ARHGEF19: variants seen among roughly 807,000 people sequenced by gnomAD.
The protein encoded by ARHGEF19 is Rho guanine nucleotide exchange factor 19.
In ARHGEF19, 92 loss-of-function variants were observed where a neutral mutation model predicts 87.6. The ratio of observed to expected loss-of-function variants is 1.05; its 90% confidence interval spans 0.89 to 1.25. The LOEUF (loss-of-function observed/expected upper bound fraction) is 1.25, where lower values mean the gene tolerates loss of function less well. Among genes scored for constraint, ARHGEF19 ranks in the 50% most tolerant of loss-of-function variants. ARHGEF19 has a pLI of 0.00. For missense variants in ARHGEF19, 1,054 were observed against 1,051.8 expected, an observed-to-expected ratio of 1.00 and a Z score of -0.03; for synonymous variants, 438 against 446.2, an observed-to-expected ratio of 0.98 and a Z score of 0.23.
intron 13 of ARHGEF19, among the ~76,000 whole-genome samples, 179 bp from the exon 14 acceptor site, chr1:16,202,040 T>C (rs557219359): frequency 6.8e-6 from 1 of 146,414 alleles, no homozygotes; most frequent in Admixed American, 6.8e-5. Flanking sequence ...CCCAAGCCTG[T>C]GCCCCACCCA....
Position 16,199,216 on chromosome 1 carries a change from G to A in ARHGEF19, c.2185C>T (p.Leu729=), listed in dbSNP as rs745319908. 17 of 1,614,072 alleles carry A rather than the reference G, an allele frequency of 1.1e-5. No homozygotes were observed. The South Asian group carries it at 1.9e-4, about 18-fold the overall frequency. The part of the protein sequence containing the change: ...QVQCVRTYKA[L]HPDELTLEKT... ...TCCAAGGTCAGCTCATCTGGGTGCAGTGCCTTGTATGTCCTAACACACTGA... is the reference window on the plus strand; with the variant it reads ...TCCAAGGTCAGCTCATCTGGGTGCAATGCCTTGTATGTCCTAACACACTGA... The change falls in exon 15 of 16, where the codon CTG becomes TTG. Residue 729 remains leucine (L), a synonymous_variant. Coordinates refer to ENST00000270747, the MANE Select transcript of ARHGEF19 (RefSeq NM_153213.5).
chr1:16,201,629 A>G (rs2100264622), intron 14 of ARHGEF19, among the ~76,000 whole-genome samples, 153 bp downstream of exon 14: 1 of 152,262 alleles, frequency 6.6e-6, no homozygotes, highest in East Asian at 1.9e-4. Flanking sequence ...AGTTCTGCCC[A>G]GCCTTCAAGG....
chr1:16,211,132 G>C (rs1202049760), intron 1 of ARHGEF19, among the ~76,000 whole-genome samples: 1 of 152,146 alleles, frequency 6.6e-6, no homozygotes, highest in African/African-American at 2.4e-5. Flanking sequence ...TCCTCATCCG[G>C]CAAATAGGAT....
At chr1:16,199,512 C>T (rs944788895) in intron 14 of ARHGEF19, among the ~76,000 whole-genome samples, 7 of 152,112 alleles carry the variant, frequency 4.6e-5, no homozygotes, top group Admixed American at 6.5e-5. Context: ...GTTTCTGCCT[C>T]TATACCAAGG....
chr1:16,203,199 C>T (rs1213462859), intron 12 of ARHGEF19, among the ~76,000 whole-genome samples: 2 of 151,942 alleles, frequency 1.3e-5, no homozygotes, highest in Non-Finnish European at 2.9e-5. Flanking sequence ...GGGTGTTCCA[C>T]AGACGTCAAC....
intron 2 of ARHGEF19, 96 bp downstream of exon 2, chr1:16,208,547 G>A (rs1022410925): frequency 2.8e-6 from 4 of 1,424,352 alleles, no homozygotes; most frequent in Middle Eastern, 2.0e-4. Flanking sequence ...CCTGACTTTT[G>A]GGGGAACCTT....
intron 1 of ARHGEF19, among the ~76,000 whole-genome samples, chr1:16,210,402 G>C (rs1279577412): frequency 6.6e-6 from 1 of 152,220 alleles, no homozygotes; most frequent in Non-Finnish European, 1.5e-5. Flanking sequence ...TGCCCAGCCT[G>C]GCAGGACCAG....
Position 16,199,247 on chromosome 1 carries a change from G to T in ARHGEF19, c.2154C>A (p.Pro718=). The T allele has an allele frequency of 6.2e-7, 1 of 1,613,902 alleles. No individual in the cohort carries two copies. Residue 718 remains proline, a synonymous_variant, in exon 15 of 16, where the codon CCC becomes CCA. Transcript: ENST00000270747. ...KEVISEGEDC[P]QVQCVRTYKA... ...TGTATGTCCTAACACACTGAACCTG[G>T]GGGCAATCTGACAGCCCAAGGGAGG...
chr1:16,208,664 C>T lies in ARHGEF19; in HGVS notation c.391G>A (p.Gly131Ser), dbSNP rs373392080. ...HTQPQRRASH[G>S]SEKKSAWRKM... is the part of the protein sequence containing the mutation. Reference sequence around the variant, plus strand: ...TCACAGGCAGACTTCTTCTCCGAGCCGTGGCTGGCCCGGCGCTGTGGCTGT... The same window carrying T: ...TCACAGGCAGACTTCTTCTCCGAGCTGTGGCTGGCCCGGCGCTGTGGCTGT... The change falls in exon 2 of 16, where the codon GGC (glycine) becomes AGC (serine). Residue 131 changes from glycine to serine, a missense_variant. Gly to Ser is a moderately conservative substitution (Grantham distance 56). Transcript: ENST00000270747. 94 of 1,605,026 alleles carry T rather than the reference C, an allele frequency of 5.9e-5. No individual in the cohort carries two copies. Among genetic ancestry groups the T allele is most frequent in the Non-Finnish European group, 7.1e-5 (83 of 1,177,298 alleles).
chr1:16,205,640 G>C lies in ARHGEF19; in HGVS notation c.1479C>G (p.Ile493Met). The C allele has an allele frequency of 1.9e-6, 3 of 1,612,388 alleles. No individual in the cohort carries two copies. The South Asian group carries it at 3.3e-5, about 18-fold the overall frequency. ...LLLENPRFPG[I>M]LARLEESPVC... is the part of the protein sequence containing the mutation. ...CAGGAGACTCCTCCAGGCGAGCCAG[G>C]ATGCCAGGGAACCTGGGGTTCTCCA... The change falls in exon 9 of 16, where the codon ATC (isoleucine) becomes ATG (methionine). Residue 493 changes from isoleucine to methionine, a missense_variant. Ile to Met is a conservative substitution (Grantham distance 10). Transcript: ENST00000270747. The surrounding 1 kb of genome is among the most constrained non-coding windows in gnomAD (Gnocchi z 5.8).
At position 16,208,169 on chromosome 1, in the gene ARHGEF19, C is replaced by T. The variant is rs767352434; in HGVS notation, c.469G>A (p.Ala157Thr). The T allele has an allele frequency of 2.5e-6, 4 of 1,613,130 alleles. No homozygotes were observed. The highest frequency in any genetic ancestry group is 3.3e-5 in the Admixed American group (2 of 59,964). ...EEVPGCPEAH[A>T]VFLEPGQVVQ... ...ACCTGGCCAGGCTCTAGGAAGACAG[C>T]GTGGGCCTCGGGGCAGCCGGGGACC... The change falls in exon 3 of 16, where the codon GCT becomes ACT. Residue 157 changes from alanine (A) to threonine (T), a missense_variant. By Grantham distance (58) the Ala-to-Thr change is moderately conservative (BLOSUM62 0). Transcript: ENST00000270747.
Position 16,205,267 on chromosome 1 carries a change from G to T in ARHGEF19, c.1656+84C>A. 1 of 1,605,016 alleles carries T rather than the reference G, an allele frequency of 6.2e-7. No individual in the cohort carries two copies. Among genetic ancestry groups the T allele is most frequent in the Middle Eastern group, 1.7e-4 (1 of 5,964 alleles). On this transcript the variant is annotated intron_variant, in intron 10 of 15. Transcript: ENST00000270747. This position sits in a 1 kb window ranked among gnomAD's most constrained non-coding sequence, Gnocchi z 5.8. Reference sequence around the variant, plus strand: ...CTCTTGCCTGGGGACCGGAGACTCTGACAGCTGGGGGCTGTTTTAGAGACG... The same window carrying T: ...CTCTTGCCTGGGGACCGGAGACTCTTACAGCTGGGGGCTGTTTTAGAGACG...
In ARHGEF19 at chr1:16,205,984, G is replaced by A. The variant is rs2100277335; in HGVS notation, c.1398C>T (p.Tyr466=). The A allele has an allele frequency of 6.2e-7, 1 of 1,611,290 alleles. No individual in the cohort carries two copies. The highest frequency in any genetic ancestry group is 8.5e-7 in the Non-Finnish European group (1 of 1,178,822). ...AGGCCTGGTTGGTGACATAGGGCAG[G>A]TAGACTCTGCGGAAGGCCGGGCAGT... ...LDHCPAFRRV[Y]LPYVTNQAYQ... Residue 466 remains tyrosine (Y), a synonymous_variant, in exon 8 of 16, where the codon TAC becomes TAT. Transcript: ENST00000270747. The surrounding 1 kb of genome is among the most constrained non-coding windows in gnomAD (Gnocchi z 5.8).
At position 16,209,002 on chromosome 1, in the gene ARHGEF19, C is replaced by T. The variant is rs138137791; in HGVS notation, c.53G>A (p.Gly18Asp). The part of the protein sequence containing the change: ...TLQPHLTGPP[G>D]TAHHPVAVCQ... ...CACTGCTACAGGGTGGTGGGCAGTG[C>T]CAGGTGGCCCAGTCAGGTGGGGCTG... The change falls in exon 2 of 16, where the codon GGC (glycine) becomes GAC (aspartate). Residue 18 changes from glycine (G) to aspartate (D), a missense_variant. Physicochemically the swap from Gly to Asp is moderately conservative, Grantham distance 94 (BLOSUM62 -1). Coordinates refer to ENST00000270747, the MANE Select transcript of ARHGEF19 (RefSeq NM_153213.5). The T allele has an allele frequency of 1.3e-4, 197 of 1,508,588 alleles. No homozygotes were observed. In the African/African-American group the frequency reaches 2.6e-3, roughly 20 times the overall value. 93.5% of individuals were successfully genotyped at this position (1,508,588 alleles called of 1,614,324 possible).
At position 16,208,776 on chromosome 1, in the gene ARHGEF19, C is replaced by T. The variant is rs751639253; in HGVS notation, c.279G>A (p.Gly93=). The change falls in exon 2 of 16, where the codon GGG becomes GGA. Residue 93 remains glycine (G), a synonymous_variant. Coordinates refer to ENST00000270747, the MANE Select transcript of ARHGEF19 (RefSeq NM_153213.5). ...AGCTGCCAGCCCTGCTGGGCCGCAT[C>T]CCCCCGCTGGTGATCTCTGTATCTG... ...GGSDTEITSG[G]MRPSRAGSWP... is the part of the protein sequence containing the mutation. 2.0e-5 allele frequency: 32 copies of T among 1,612,908 alleles called. No homozygotes were observed. The highest frequency in any genetic ancestry group is 2.2e-5 in the South Asian group (2 of 90,974).
Position 16,207,001 on chromosome 1 carries a change from G to C in ARHGEF19, c.1084C>G (p.Arg362Gly), listed in dbSNP as rs1195827338. 2.0e-6 allele frequency: 3 copies of C among 1,516,570 alleles called. No homozygotes were observed. The highest frequency in any genetic ancestry group is 5.5e-5 in the East Asian group (2 of 36,648). The allele number at this position is 1,516,570 out of a possible 1,614,324, so 93.9% of individuals were successfully genotyped here. A position where few individuals can be genotyped will look rare whatever the true frequency, so the allele number is the denominator to read the frequency against. Residue 362 changes from arginine (R) to glycine (G), a missense_variant, in exon 6 of 16, where the codon CGC becomes GGC. Arg to Gly is a moderately radical substitution (Grantham distance 125). Transcript: ENST00000270747. This position sits in a 1 kb window ranked among gnomAD's most constrained non-coding sequence, Gnocchi z 4.0. ...AGCGTGGCCAGGACGCCGCTGCCGC[G>C]TACGTCGGGGATATCCTGCCACAGC... ...FSLWQDIPDV[R>G]GSGVLATLSL... is the part of the protein sequence containing the mutation.
chr1:16,202,542 T>C lies in ARHGEF19; in HGVS notation c.1940A>G (p.Lys647Arg), dbSNP rs1336215636. Reference protein sequence around the residue: ...LGKFAVFVHAKMAELQVRDLS... With the variant: ...LGKFAVFVHARMAELQVRDLS... ...GTCCCGCACCTGCAGCTCAGCCATC[T>C]TGGCATGGACGAAAACGGCAAACTT... is the stretch of plus-strand genomic sequence containing the variant. Residue 647 changes from lysine to arginine, a missense_variant, in exon 13 of 16, where the codon AAG (lysine) becomes AGG (arginine). Physicochemically the swap from Lys to Arg is conservative, Grantham distance 26. Coordinates refer to ENST00000270747, the MANE Select transcript of ARHGEF19 (RefSeq NM_153213.5). 6.2e-7 allele frequency: 1 copy of C among 1,614,148 alleles called. No individual in the cohort carries two copies.
rs767203894 is a variant in ARHGEF19 at position 16,208,074 on chromosome 1, G to C, written c.564C>G (p.Leu188=). The change falls in exon 3 of 16, where the codon CTC becomes CTG. Residue 188 remains leucine, a synonymous_variant. Transcript: ENST00000270747. ...AGAAGCGCCTCCGCTCAGGACCTTCGAGGCTCACTCGGGTGGACCCAGACA... is the reference window on the plus strand; with the variant it reads ...AGAAGCGCCTCCGCTCAGGACCTTCCAGGCTCACTCGGGTGGACCCAGACA... The part of the protein sequence containing the change: ...VELSGSTRVS[L]EGPERRRFSA... The C allele has an allele frequency of 1.9e-6, 3 of 1,613,956 alleles. No individual in the cohort carries two copies. Among genetic ancestry groups the C allele is most frequent in the Non-Finnish European group, 1.7e-6 (2 of 1,180,020 alleles).
chr1:16,210,896 A>C (rs1004321967), intron 1 of ARHGEF19, among the ~76,000 whole-genome samples: 1 of 152,144 alleles, frequency 6.6e-6, no homozygotes, highest in East Asian at 1.9e-4. Context: ...GGAGAAGAGG[A>C]CCCAGCGAGA....
Sources: allele counts gnomAD v4.1 joint callset (sites outside exome capture counted in the v4.1 genomes callset), GRCh38; gene constraint gnomAD v4.1.1; non-coding constraint Gnocchi (gnomAD v3.1); transcripts MANE v1.5; gene names NCBI Gene and HGNC (gene_info 2026-07-23, HGNC 2026-07-21).